Variants in SRPK2 observed in about 807,000 individuals in gnomAD.
SRPK2 encodes SFRS protein kinase 2.
In SRPK2, 21 loss-of-function variants were observed where a neutral mutation model predicts 90.8. That is an observed-to-expected ratio of 0.23 (90% CI 0.16 to 0.33). The LOEUF is 0.33. Ranked by LOEUF, SRPK2 falls within the 10% of genes least tolerant of loss-of-function variation. SRPK2 has a pLI of 1.00. For synonymous variants in SRPK2, 288 were observed against 311.1 expected, an observed-to-expected ratio of 0.93 and a Z score of 0.78; for missense variants, 620 against 869.0, an observed-to-expected ratio of 0.71 and a Z score of 3.60.
intron 2 of SRPK2, chr7:105,306,280 C>T: frequency 4.0e-6 from 1 of 247,262 alleles, no homozygotes; most frequent in South Asian, 4.4e-5. Flanking sequence ...ATAATCTTTT[C>T]AGTGCACTGG....
chr7:105,296,671 G>A (rs73716650), intron 2 of SRPK2, among the ~76,000 whole-genome samples: 1 of 152,188 alleles, frequency 6.6e-6, no homozygotes, highest in Non-Finnish European at 1.5e-5. Flanking sequence ...TGGCATCATA[G>A]GCATTCATGT....
chr7:105,358,764 A>AATT (rs1439740987), intron 2 of SRPK2, among the ~76,000 whole-genome samples: 1 of 152,230 alleles, frequency 6.6e-6, no homozygotes, highest in East Asian at 1.9e-4. Flanking sequence ...TTTGCTGCTA[A>AATT]AGAAGGAATA....
chr7:105,201,859 G>C (rs1795603796), intron 3 of SRPK2, among the ~76,000 whole-genome samples: 1 of 151,926 alleles, frequency 6.6e-6, no homozygotes, highest in African/African-American at 2.4e-5. Flanking sequence ...ACTCCAGCCT[G>C]GGCAACAGAA....
At chr7:105,309,661 G>C (rs909728873) in intron 2 of SRPK2, among the ~76,000 whole-genome samples, 7 of 152,084 alleles carry the variant, frequency 4.6e-5, no homozygotes, top group Admixed American at 3.3e-4. Flanking sequence ...TGGCCAAATA[G>C]TCACATTTTT....
intron 2 of SRPK2, among the ~76,000 whole-genome samples, chr7:105,214,632 C>T (rs12112399): frequency 0.03 from 4,549 of 152,200 alleles, 236 homozygotes; most frequent in African/African-American, 0.1. Flanking sequence ...TAATAAAGTA[C>T]ATAGAAATAA....
At chr7:105,304,499 A>C (rs1810936469) in intron 2 of SRPK2, 1 of 152,206 alleles carries the variant, frequency 6.6e-6, no homozygotes, top group Non-Finnish European at 1.5e-5. Flanking sequence ...TGTATTTATA[A>C]ATAAGTCTCA....
chr7:105,225,462 T>C (rs575068583), intron 2 of SRPK2, among the ~76,000 whole-genome samples: 14 of 152,300 alleles, frequency 9.2e-5, no homozygotes, highest in Admixed American at 2.6e-4. Flanking sequence ...CTGAATGAAG[T>C]ATGGCAGAGC....
chr7:105,174,332 A>G (rs1451347049), intron 3 of SRPK2, among the ~76,000 whole-genome samples: 1 of 152,194 alleles, frequency 6.6e-6, no homozygotes, highest in East Asian at 1.9e-4. Context: ...TTGCCTAGCA[A>G]AAATAGATTC....
At chr7:105,168,732 ACACACG>A (rs1473992475) in intron 4 of SRPK2, among the ~76,000 whole-genome samples, 1 of 78,716 alleles carries the variant, frequency 1.3e-5, no homozygotes, top group Admixed American at 1.3e-4. Flanking sequence ...ACACACACAC[ACACACG>A]CACCAAATGT....
intron 2 of SRPK2, chr7:105,301,652 T>A: frequency 6.2e-7 from 1 of 1,611,584 alleles, no homozygotes; most frequent in Non-Finnish European, 8.5e-7. Flanking sequence ...CCCAAAGCCT[T>A]CTTAATAGAG....
At chr7:105,259,362 A>T (rs1803852047) in intron 2 of SRPK2, among the ~76,000 whole-genome samples, 1 of 152,224 alleles carries the variant, frequency 6.6e-6, no homozygotes, top group Admixed American at 6.5e-5. Flanking sequence ...ACTACAAATC[A>T]CTGCTGAATG....
intron 3 of SRPK2, among the ~76,000 whole-genome samples, chr7:105,192,625 T>C (rs1794443298): frequency 6.6e-6 from 1 of 152,244 alleles, no homozygotes; most frequent in South Asian, 2.1e-4. Context: ...ATCTCCACAC[T>C]GGTTTCCATA....
intron 5 of SRPK2, 69 bp downstream of exon 5, chr7:105,167,939 G>GAA (rs60505353): frequency 6.8e-6 from 9 of 1,330,508 alleles, no homozygotes; most frequent in Non-Finnish European, 8.3e-6. Context: ...GTATTACCCA[G>GAA]AAAAATCTTT....
At chr7:105,140,164 TC>T (rs1302346132) in intron 11 of SRPK2, among the ~76,000 whole-genome samples, 3 of 152,088 alleles carry the variant, frequency 2.0e-5, no homozygotes, top group Non-Finnish European at 4.4e-5. Context: ...CAGTTTTTTT[TC>T]CCCTCCAACT....
chr7:105,331,540 G>T (rs1204066), intron 2 of SRPK2, among the ~76,000 whole-genome samples: 110,485 of 151,868 alleles, frequency 0.73, 40,731 homozygotes, highest in African/African-American at 0.84. Context: ...TAAACTTAAA[G>T]GAGTTCTGAC....
At chr7:105,261,735 T>G (rs1382318208) in intron 2 of SRPK2, among the ~76,000 whole-genome samples, 1 of 152,196 alleles carries the variant, frequency 6.6e-6, no homozygotes, top group Non-Finnish European at 1.5e-5. Flanking sequence ...ATGAAAGCAC[T>G]TCTATATATA....
chr7:105,380,304 G>A (rs991472198), intron 2 of SRPK2, among the ~76,000 whole-genome samples: 1 of 151,922 alleles, frequency 6.6e-6, no homozygotes, highest in Non-Finnish European at 1.5e-5. Context: ...GCTAATTTCT[G>A]TATTTTTAGT....
At chr7:105,258,367 A>G (rs1230281555) in intron 2 of SRPK2, among the ~76,000 whole-genome samples, 1 of 148,916 alleles carries the variant, frequency 6.7e-6, no homozygotes, top group Admixed American at 6.8e-5. Context: ...TAGTGAGCCG[A>G]GATCATGCCA....
chr7:105,240,850 GA>G (rs1233257977), intron 2 of SRPK2, among the ~76,000 whole-genome samples: 10 of 152,126 alleles, frequency 6.6e-5, no homozygotes, highest in Non-Finnish European at 1.5e-5. Flanking sequence ...AGTATGTACT[GA>G]AATACCTATC....
Sources: allele counts gnomAD v4.1 joint callset (sites outside exome capture counted in the v4.1 genomes callset), GRCh38; gene constraint gnomAD v4.1.1; transcripts MANE v1.5; gene names NCBI Gene and HGNC (gene_info 2026-07-23, HGNC 2026-07-21).